Variants in GLIS3 observed in about 807,000 individuals in gnomAD.
GLIS3 encodes GLIS family zinc finger 3, also known as zinc finger protein GLIS3.
Under a neutral mutation model 78.6 loss-of-function variants are expected in GLIS3, and 53 were observed. The observed-to-expected ratio is 0.67, with a 90% confidence interval of 0.54 to 0.85. The LOEUF is 0.85. Ranked by LOEUF, GLIS3 falls within the 40% of genes least tolerant of loss-of-function variation. The pLI is 0.00. For missense variants in GLIS3, 1,703 were observed against 1,231.1 expected, an observed-to-expected ratio of 1.38 and a Z score of -5.74; for synonymous variants, 684 against 509.9, an observed-to-expected ratio of 1.34 and a Z score of -4.60.
chr9:4,371,939 G>A, the GLIS3 span, among the ~76,000 whole-genome samples: 16 of 152,322 alleles, frequency 1.1e-4, no homozygotes, highest in African/African-American at 2.9e-4. Flanking sequence ...AGCTCTGCCT[G>A]TCTGCTCACC....
the GLIS3 span, among the ~76,000 whole-genome samples, chr9:4,356,261 T>C: frequency 2.6e-5 from 4 of 152,226 alleles, no homozygotes; most frequent in Non-Finnish European, 5.9e-5. Context: ...CCGGAGAGAC[T>C]GGCCCACAAT....
At chr9:4,007,994 C>G (rs1821698105) in intron 4 of GLIS3, among the ~76,000 whole-genome samples, 1 of 152,050 alleles carries the variant, frequency 6.6e-6, no homozygotes, top group African/African-American at 2.4e-5. Flanking sequence ...TCTGTGTACA[C>G]CAGGGTTGCA....
chr9:4,449,530 T>C, the GLIS3 span, among the ~76,000 whole-genome samples: 3 of 152,244 alleles, frequency 2.0e-5, no homozygotes, highest in Non-Finnish European at 2.9e-5. Context: ...AGTGGGTCCC[T>C]GACCCCCGTG....
At chr9:4,125,622 G>C (rs1021911357) in intron 3 of GLIS3, 112 bp downstream of exon 3, 3 of 784,420 alleles carry the variant, frequency 3.8e-6, no homozygotes, top group African/African-American at 3.9e-5. Flanking sequence ...GCTTGAGTGT[G>C]TAAGTGTATG....
At chr9:3,971,350 C>A (rs1818369482) in intron 4 of GLIS3, among the ~76,000 whole-genome samples, 1 of 152,076 alleles carries the variant, frequency 6.6e-6, no homozygotes, top group African/African-American at 2.4e-5. Flanking sequence ...ACAAAGCAGC[C>A]CTTACTCGGT....
At chr9:4,188,297 TTTATTGATTTGTGTATATTGAA>T (rs1172286441) in intron 2 of GLIS3, among the ~76,000 whole-genome samples, 1 of 150,856 alleles carries the variant, frequency 6.6e-6, no homozygotes. Flanking sequence ...CTGGATTACA[TTTATTGATTTGTGTATATTGAA>T]CCAGCCTTGC....
chr9:4,455,633 A>G, the GLIS3 span, among the ~76,000 whole-genome samples: 1 of 152,168 alleles, frequency 6.6e-6, no homozygotes, highest in Admixed American at 6.6e-5. Flanking sequence ...ATTTTTCAAA[A>G]ACACTCTATT....
At chr9:4,455,361 G>GTTT in the GLIS3 span, among the ~76,000 whole-genome samples, 1 of 152,160 alleles carries the variant, frequency 6.6e-6, no homozygotes, top group Admixed American at 6.5e-5. Context: ...TTAGTGGAGA[G>GTTT]ATTATTAATA....
At chr9:3,874,340 C>T (rs10758514) in intron 8 of GLIS3, among the ~76,000 whole-genome samples, 149,460 of 152,332 alleles carry the variant, frequency 0.98, 73,388 homozygotes, top group East Asian at 1. Flanking sequence ...TCCTGGAGGG[C>T]GGTAGGCCTG....
At chr9:3,889,672 C>G (rs1197485041) in intron 7 of GLIS3, among the ~76,000 whole-genome samples, 2 of 152,172 alleles carry the variant, frequency 1.3e-5, no homozygotes, top group Non-Finnish European at 2.9e-5. Flanking sequence ...CAGGGCTTGG[C>G]AAACCTTTGT....
At chr9:3,900,954 A>T (rs1051906834) in intron 6 of GLIS3, 1 of 152,214 alleles carries the variant, frequency 6.6e-6, no homozygotes, top group African/African-American at 2.4e-5. Context: ...AGAAACAGCT[A>T]GCTCCTGCCT....
At chr9:4,104,384 G>C (rs987879359) in intron 4 of GLIS3, among the ~76,000 whole-genome samples, 1 of 152,014 alleles carries the variant, frequency 6.6e-6, no homozygotes, top group Non-Finnish European at 1.5e-5. Context: ...TGTTTAGATA[G>C]CCAGAATCCA....
At chr9:4,323,593 C>T (rs1268877222) in intron 2 of GLIS3, among the ~76,000 whole-genome samples, 1 of 152,160 alleles carries the variant, frequency 6.6e-6, no homozygotes, top group African/African-American at 2.4e-5. Flanking sequence ...GCATCATTTC[C>T]TCAGGAGATA....
chr9:4,329,552 A>G (rs1817652706), intron 2 of GLIS3, among the ~76,000 whole-genome samples: 1 of 152,182 alleles, frequency 6.6e-6, no homozygotes, highest in Non-Finnish European at 1.5e-5. Context: ...AATAGGCTAG[A>G]AAGCATTTAA....
At chr9:4,412,127 T>C in the GLIS3 span, among the ~76,000 whole-genome samples, 3 of 152,292 alleles carry the variant, frequency 2.0e-5, no homozygotes, top group South Asian at 6.2e-4. Flanking sequence ...ACCACCCAAA[T>C]AGCCCAACAG....
intron 2 of GLIS3, among the ~76,000 whole-genome samples, chr9:4,338,068 T>C (rs1817778862): frequency 6.7e-6 from 1 of 148,584 alleles, no homozygotes; most frequent in Non-Finnish European, 1.5e-5. Flanking sequence ...GTGTGTTTAG[T>C]TTTGAAATGC....
chr9:3,858,075 A>G (rs1291816387), intron 8 of GLIS3, among the ~76,000 whole-genome samples: 1 of 152,168 alleles, frequency 6.6e-6, no homozygotes, highest in East Asian at 1.9e-4. Context: ...TTTAACAGTC[A>G]TTGCTGGTGT....
chr9:3,914,889 C>A (rs1824395733), intron 6 of GLIS3, among the ~76,000 whole-genome samples: 1 of 152,206 alleles, frequency 6.6e-6, no homozygotes, highest in African/African-American at 2.4e-5. Context: ...GTCTTCTTCC[C>A]CTGATGTGAT....
chr9:4,282,569 A>G (rs1246423151), intron 2 of GLIS3, among the ~76,000 whole-genome samples: 1 of 152,074 alleles, frequency 6.6e-6, no homozygotes, highest in African/African-American at 2.4e-5. Context: ...TGAGCCTGGC[A>G]GCCTTCAGAC....
Sources: gnomAD v4.1 joint callset for allele counts (sites outside exome capture counted in the v4.1 genomes callset) on GRCh38, gnomAD v4.1.1 for gene constraint, MANE v1.5 for transcripts, NCBI Gene and HGNC (gene_info 2026-07-23, HGNC 2026-07-21) for gene names.